The following PTPRD variants were observed in gnomAD, a reference collection of about 807,000 sequenced individuals.
PTPRD encodes protein tyrosine phosphatase receptor type D.
A neutral mutation model predicts 214.5 loss-of-function variants in PTPRD; 34 were observed. The ratio of observed to expected loss-of-function variants is 0.16; its 90% CI spans 0.12 to 0.21. The LOEUF (loss-of-function observed/expected upper bound fraction) is 0.21. Ranked by LOEUF, PTPRD falls within the 10% of genes least tolerant of loss-of-function variation. The pLI, the probability that PTPRD is intolerant of heterozygous loss-of-function variation, is 1.00. For missense variants in PTPRD, 2,545 were observed against 2,398.7 expected, an observed-to-expected ratio of 1.06 and a Z score of -1.27; for synonymous variants, 1,128 against 845.7, an observed-to-expected ratio of 1.33 and a Z score of -5.79.
intron 12 of PTPRD, among the ~76,000 whole-genome samples, chr9:8,724,079 A>G (rs1598023113): frequency 6.6e-6 from 1 of 152,214 alleles, no homozygotes; most frequent in African/African-American, 2.4e-5. Context: ...TTTTAAACTG[A>G]TTCTGGATTC....
At chr9:9,652,745 G>T (rs998680212) in intron 7 of PTPRD, among the ~76,000 whole-genome samples, 6 of 151,544 alleles carry the variant, frequency 4.0e-5, no homozygotes, top group African/African-American at 1.2e-4. Context: ...CTCCCAAGTA[G>T]CTGGGATTAC....
intron 2 of PTPRD, among the ~76,000 whole-genome samples, chr9:10,375,450 TTTC>T (rs2097709625): frequency 1.3e-5 from 2 of 152,182 alleles, no homozygotes; most frequent in African/African-American, 4.8e-5. Flanking sequence ...CTAATTGTCA[TTTC>T]AGCCTCTTTA....
chr9:8,424,674 A>AT (rs377129103), intron 35 of PTPRD, among the ~76,000 whole-genome samples: 8 of 103,654 alleles, frequency 7.7e-5, no homozygotes, highest in South Asian at 2.7e-4. Flanking sequence ...GAAAATAAAG[A>AT]AGGGGACTGG....
At chr9:9,365,860 G>A (rs1166178869) in intron 9 of PTPRD, among the ~76,000 whole-genome samples, 1 of 151,260 alleles carries the variant, frequency 6.6e-6, no homozygotes, top group African/African-American at 2.4e-5. Context: ...ATATTATACA[G>A]CATTCTTAAA....
At chr9:8,873,798 C>A (rs1268927668) in intron 11 of PTPRD, among the ~76,000 whole-genome samples, 1 of 151,958 alleles carries the variant, frequency 6.6e-6, no homozygotes, top group Non-Finnish European at 1.5e-5. Context: ...ATATGAGTGA[C>A]AGGAAATGAA....
At chr9:9,594,333 A>G (rs753299800) in intron 7 of PTPRD, among the ~76,000 whole-genome samples, 4 of 152,018 alleles carry the variant, frequency 2.6e-5, no homozygotes, top group Non-Finnish European at 1.5e-5. Context: ...GTTCTTGGTC[A>G]TGAAATCCTT....
intron 17 of PTPRD, among the ~76,000 whole-genome samples, chr9:8,526,320 A>G (rs75972218): frequency 2.0e-5 from 3 of 151,888 alleles, no homozygotes; most frequent in African/African-American, 4.8e-5. Context: ...GGAAAAAAAA[A>G]GAGGGACAGA....
intron 7 of PTPRD, among the ~76,000 whole-genome samples, chr9:9,696,807 T>C (rs2097383628): frequency 6.6e-6 from 1 of 152,132 alleles, no homozygotes; most frequent in Non-Finnish European, 1.5e-5. Flanking sequence ...AACACAATGT[T>C]ATTATTGATA....
At chr9:9,395,562 TGG>T (rs1191214863) in intron 9 of PTPRD, among the ~76,000 whole-genome samples, 2 of 152,104 alleles carry the variant, frequency 1.3e-5, no homozygotes, top group East Asian at 3.9e-4. Flanking sequence ...TACAAGACTC[TGG>T]GTTTCAGAAT....
In PTPRD at chr9:10,040,754, A is replaced by G. The variant is rs1237924380; in HGVS notation, c.-544-6964T>C. ...CAATGAAAGAATCTAGTAAAAATGT[A>G]TTAAATGCAAAATTAAATTGAGCAC... On this transcript the variant is annotated intron_variant, in intron 3 of 45. Coordinates refer to ENST00000381196, the MANE Select transcript of PTPRD (RefSeq NM_002839.4). 3.9e-5 allele frequency among the ~76,000 whole-genome samples: 6 copies of G among 152,116 alleles called. No individual in the cohort carries two copies. The East Asian group carries it at 9.6e-4, about 24-fold the overall frequency.
rs528362972 is a variant in PTPRD, at chr9:9,668,980, A to G, written c.-287+65553T>C. 2.5e-3 allele frequency among the ~76,000 whole-genome samples: 383 copies of G among 152,308 alleles called. 2 individuals carry two copies. The highest frequency in any genetic ancestry group is 8.6e-3 in the African/African-American group (359 of 41,578). ...TGATTAGCTACTGTAGTGGGAAAAAAAAGTGAAACAGTAAATTAATAGCAG... is the reference window on the plus strand; with the variant it reads ...TGATTAGCTACTGTAGTGGGAAAAAGAAGTGAAACAGTAAATTAATAGCAG... On this transcript the variant is annotated intron_variant, in intron 7 of 45. Transcript: ENST00000381196.
At chr9:8,534,137 G>A (rs7029921) in intron 14 of PTPRD, among the ~76,000 whole-genome samples, 26,162 of 151,780 alleles carry the variant, frequency 0.17, 2,311 homozygotes, top group South Asian at 0.22. Flanking sequence ...AATTTATCAC[G>A]GTTGCTATGT....
At chr9:8,867,143 C>T (rs1365944884) in intron 11 of PTPRD, among the ~76,000 whole-genome samples, 1 of 152,146 alleles carries the variant, frequency 6.6e-6, no homozygotes, top group African/African-American at 2.4e-5. Flanking sequence ...CAACAGATGA[C>T]GGACACTCTT....
At chr9:9,982,953 G>C (rs1468012653) in intron 4 of PTPRD, among the ~76,000 whole-genome samples, 2 of 151,942 alleles carry the variant, frequency 1.3e-5, no homozygotes, top group Admixed American at 1.3e-4. Context: ...GGAAAAACAA[G>C]GTGATGTGGC....
At chr9:10,285,605 C>CTTTTTTTT (rs34225956) in intron 3 of PTPRD, among the ~76,000 whole-genome samples, 18 of 104,092 alleles carry the variant, frequency 1.7e-4, no homozygotes, top group Admixed American at 2.4e-4. Context: ...GGGGTCTCAT[C>CTTTTTTTT]TTTTTTTTTT....
At chr9:9,831,939 G>A (rs1244819859) in intron 5 of PTPRD, among the ~76,000 whole-genome samples, 2 of 151,914 alleles carry the variant, frequency 1.3e-5, no homozygotes, top group East Asian at 1.9e-4. Context: ...ACCCAACCGC[G>A]AATCTCATTA....
At chr9:9,182,965 A>T (rs1420594045) in intron 10 of PTPRD, among the ~76,000 whole-genome samples, 2 of 151,980 alleles carry the variant, frequency 1.3e-5, no homozygotes. Flanking sequence ...AAATTCAATC[A>T]ACATTTAAAT....
intron 2 of PTPRD, among the ~76,000 whole-genome samples, chr9:10,469,823 C>A (rs938114182): frequency 1.3e-5 from 2 of 151,670 alleles, no homozygotes; most frequent in East Asian, 3.9e-4. Flanking sequence ...ATTATTCAGC[C>A]ATAGAAACTA....
rs149698693 is a variant in PTPRD at position 10,165,371 on chromosome 9, A to T, written c.-544-131581T>A. On this transcript the variant is annotated intron_variant, in intron 3 of 45. Transcript: ENST00000381196. ...AAACATGAAGCCACAGCTAAGAATCACCAAAACTTGTTAACTTGCAGGATT... is the reference window on the plus strand; with the variant it reads ...AAACATGAAGCCACAGCTAAGAATCTCCAAAACTTGTTAACTTGCAGGATT... Among the ~76,000 whole-genome samples the T allele has an allele frequency of 5.1e-3, 768 of 151,942 alleles. 7 individuals are homozygous for T. The highest frequency in any genetic ancestry group is 0.018 in the African/African-American group (736 of 41,542).
Sources: allele counts gnomAD v4.1 joint callset (sites outside exome capture counted in the v4.1 genomes callset), GRCh38; gene constraint gnomAD v4.1.1; transcripts MANE v1.5; gene names NCBI Gene and HGNC (gene_info 2026-07-23, HGNC 2026-07-21).